Variants in PRKG2 observed in about 807,000 individuals in gnomAD.
PRKG2 encodes cGMP-dependent protein kinase 2.
Under a neutral mutation model 97.2 loss-of-function variants are expected in PRKG2, and 33 were observed. That is an observed-to-expected ratio of 0.34 (90% confidence interval 0.26 to 0.45). The LOEUF (loss-of-function observed/expected upper bound fraction) is 0.45, where lower values mean the gene tolerates loss of function less well. Ranked by LOEUF, PRKG2 falls within the 20% of genes least tolerant of loss-of-function variation. The pLI is 1.00. For synonymous variants in PRKG2, 330 were observed against 321.8 expected, an observed-to-expected ratio of 1.03 and a Z score of -0.27; for missense variants, 638 against 900.0, an observed-to-expected ratio of 0.71 and a Z score of 3.73.
At chr4:81,141,627 T>C (rs1207092505) in intron 11 of PRKG2, among the ~76,000 whole-genome samples, 1 of 152,214 alleles carries the variant, frequency 6.6e-6, no homozygotes, top group East Asian at 1.9e-4. Context: ...GTAACTACAT[T>C]GTGCAGAAAT....
rs1248584655 is a variant in PRKG2, at chr4:81,152,054, C to T, written c.991G>A (p.Val331Ile). ...CCTTCTGTGCTCTGTGTTACTTTTA[C>T]CTAAACAATGTTAAGCAATACAAAC... The part of the protein sequence containing the change: ...STFFILAKGK[V>I]KVTQSTEGHD... Residue 331 changes from valine to isoleucine, a missense_variant and splice_region_variant, in exon 8 of 19, where the codon GTA becomes ATA. Physicochemically the swap from Val to Ile is conservative, Grantham distance 29. This residue lies in a region of PRKG2 where 332 missense variants were observed against 421.7 expected (regional missense o/e 0.79). Coordinates refer to ENST00000264399, the MANE Select transcript of PRKG2 (RefSeq NM_006259.3). 3 of 1,604,396 alleles carry T rather than the reference C, an allele frequency of 1.9e-6. No homozygotes were observed. The South Asian group carries it at 3.3e-5, about 18-fold the overall frequency.
intron 1 of PRKG2, among the ~76,000 whole-genome samples, chr4:81,211,981 C>CTAGA (rs56869298): frequency 0.18 from 27,521 of 151,990 alleles, 2,800 homozygotes; most frequent in Non-Finnish European, 0.23. Flanking sequence ...TAGCTTGTCT[C>CTAGA]TCTAAAGTTC....
intron 1 of PRKG2, among the ~76,000 whole-genome samples, chr4:81,208,881 A>G (rs747673783): frequency 6.6e-6 from 1 of 152,214 alleles, no homozygotes; most frequent in Non-Finnish European, 1.5e-5. Context: ...GCCAGTTCAT[A>G]ACTACAAGGA....
chr4:81,120,292 A>G (rs573922018), intron 14 of PRKG2, among the ~76,000 whole-genome samples: 21 of 152,348 alleles, frequency 1.4e-4, no homozygotes, highest in African/African-American at 5.0e-4. Flanking sequence ...TGTTCTGACC[A>G]TGAGGCACCC....
intron 18 of PRKG2, 101 bp downstream of exon 18, chr4:81,092,285 C>A: frequency 2.0e-5 from 13 of 641,762 alleles, no homozygotes; most frequent in South Asian, 1.5e-4. Flanking sequence ...AAAAAAACAC[C>A]CAAAATCTGT....
At chr4:81,126,989 T>A (rs963359328) in intron 14 of PRKG2, among the ~76,000 whole-genome samples, 1 of 152,102 alleles carries the variant, frequency 6.6e-6, no homozygotes, top group Non-Finnish European at 1.5e-5. Context: ...CCTTCTAGGG[T>A]TTTTATGGTT....
intron 17 of PRKG2, among the ~76,000 whole-genome samples, chr4:81,093,949 C>T (rs1014091708): frequency 6.6e-6 from 1 of 152,188 alleles, no homozygotes; most frequent in African/African-American, 2.4e-5. Flanking sequence ...AGCCAGCCAA[C>T]CGATATTTAT....
intron 2 of PRKG2, among the ~76,000 whole-genome samples, chr4:81,178,742 T>A (rs1313789095): frequency 6.6e-6 from 1 of 151,534 alleles, no homozygotes; most frequent in Non-Finnish European, 1.5e-5. Context: ...TGAGGCATAA[T>A]AGAGAAGTTG....
intron 14 of PRKG2, among the ~76,000 whole-genome samples, chr4:81,129,896 C>T (rs1052315805): frequency 1.3e-5 from 2 of 152,110 alleles, no homozygotes; most frequent in African/African-American, 2.4e-5. Context: ...GCTTATTTTG[C>T]CCATTAGTTG....
intron 2 of PRKG2, among the ~76,000 whole-genome samples, chr4:81,180,081 T>C (rs1467531241): frequency 3.3e-5 from 5 of 151,944 alleles, no homozygotes; most frequent in Admixed American, 2.0e-4. Flanking sequence ...TGCAGTGAGC[T>C]GAGATCGCAC....
At chr4:81,203,015 A>G (rs889268596) in intron 2 of PRKG2, among the ~76,000 whole-genome samples, 3 of 151,972 alleles carry the variant, frequency 2.0e-5, no homozygotes, top group African/African-American at 4.8e-5. Context: ...TGAGTAAATA[A>G]TAGATTATAC....
chr4:81,141,234 C>A (rs1375433076), intron 11 of PRKG2, among the ~76,000 whole-genome samples: 2 of 152,094 alleles, frequency 1.3e-5, no homozygotes, highest in Non-Finnish European at 2.9e-5. Flanking sequence ...TAATTTCAAA[C>A]TCCTGAGCCC....
intron 12 of PRKG2, among the ~76,000 whole-genome samples, chr4:81,138,184 T>C (rs950290753): frequency 1.3e-5 from 2 of 152,190 alleles, no homozygotes; most frequent in Non-Finnish European, 2.9e-5. Context: ...GGGACTGAGC[T>C]AGTCCTCAGC....
At chr4:81,158,989 C>T (rs1036675846) in intron 6 of PRKG2, among the ~76,000 whole-genome samples, 1 of 151,430 alleles carries the variant, frequency 6.6e-6, no homozygotes, top group Non-Finnish European at 1.5e-5. Context: ...AAACGTTAGA[C>T]CTAAAACCAT....
chr4:81,169,604 A>G (rs1578460324), intron 5 of PRKG2, 59 bp downstream of exon 5: 1 of 1,212,630 alleles, frequency 8.2e-7, no homozygotes, highest in Non-Finnish European at 1.2e-6. Flanking sequence ...GATAAAACCA[A>G]TATATTCACA....
chr4:81,198,365 G>A (rs766635606), intron 2 of PRKG2, among the ~76,000 whole-genome samples: 13 of 152,098 alleles, frequency 8.5e-5, no homozygotes, highest in African/African-American at 1.2e-4. Context: ...GACTCAAACC[G>A]GCTGCCAAAG....
chr4:81,203,514 T>A (rs72663830), intron 2 of PRKG2, among the ~76,000 whole-genome samples: 22,434 of 152,230 alleles, frequency 0.15, 1,836 homozygotes, highest in South Asian at 0.2. Context: ...ATGTTAAAAT[T>A]TGTTTTAATT....
chr4:81,150,668 A>G (rs1055749436), intron 8 of PRKG2, among the ~76,000 whole-genome samples: 4 of 152,094 alleles, frequency 2.6e-5, no homozygotes, highest in Non-Finnish European at 5.9e-5. Context: ...ACTGAATAAC[A>G]TATTTTCTTT....
At chr4:81,187,203 G>A (rs1022939007) in intron 2 of PRKG2, among the ~76,000 whole-genome samples, 3 of 152,156 alleles carry the variant, frequency 2.0e-5, no homozygotes, top group African/African-American at 7.2e-5. Flanking sequence ...TATCCCCAAT[G>A]AACATTGATG....
Sources: gnomAD v4.1 joint callset for allele counts (sites outside exome capture counted in the v4.1 genomes callset) on GRCh38, gnomAD v4.1.1 for gene constraint, gnomAD v4.1.1 regional missense constraint, MANE v1.5 for transcripts, NCBI Gene and HGNC (gene_info 2026-07-23, HGNC 2026-07-21) for gene names.